The following KLC1 variants were observed in gnomAD, a reference collection of about 807,000 sequenced individuals.
KLC1 encodes kinesin 2 60/70kDa.
KLC1 carries 30 observed loss-of-function variants against 84.2 expected under a neutral mutation model. The observed-to-expected ratio is 0.36, with a 90% CI of 0.27 to 0.48. The LOEUF (loss-of-function observed/expected upper bound fraction) is 0.48, where lower values mean the gene tolerates loss of function less well. Among genes scored for constraint, KLC1 ranks in the 20% least tolerant of loss-of-function variants. KLC1 has a pLI of 0.99. For missense variants in KLC1, 499 were observed against 805.4 expected (o/e 0.62, Z 4.60); for synonymous variants, 289 against 293.3 (o/e 0.99, Z 0.15).
chr14:103,649,144 A>T (rs571936591), intron 1 of KLC1, among the ~76,000 whole-genome samples: 1 of 152,166 alleles, frequency 6.6e-6, no homozygotes, highest in East Asian at 1.9e-4. Flanking sequence ...CTTAAAAAAA[A>T]ACAAAGAAAC....
In KLC1 at chr14:103,672,997, C is replaced by A; in HGVS notation, c.988-17C>A. On this transcript the variant is annotated splice_polypyrimidine_tract_variant and intron_variant, in intron 7 of 16. Coordinates refer to ENST00000334553, the MANE Select transcript of KLC1 (RefSeq NM_001394837.1). ...AAGCAGAACAAGTGTCTCTAATATGCTGTTTTTTATTTTCAGGTTTTGGGG... is the reference window on the plus strand; with the variant it reads ...AAGCAGAACAAGTGTCTCTAATATGATGTTTTTTATTTTCAGGTTTTGGGG... The A allele has an allele frequency of 6.2e-7, 1 of 1,612,514 alleles. No individual in the cohort carries two copies. Among genetic ancestry groups the A allele is most frequent in the East Asian group, 2.2e-5 (1 of 44,862 alleles).
intron 12 of KLC1, among the ~76,000 whole-genome samples, chr14:103,678,297 A>C (rs1313351431): frequency 6.6e-6 from 1 of 151,998 alleles, no homozygotes; most frequent in Non-Finnish European, 1.5e-5. Flanking sequence ...AATAGCATGA[A>C]TATGACCCCA....
intron 1 of KLC1, among the ~76,000 whole-genome samples, chr14:103,632,054 A>G (rs904983578): frequency 3.3e-5 from 5 of 152,206 alleles, no homozygotes; most frequent in African/African-American, 1.2e-4. Flanking sequence ...TTGGGAACCA[A>G]CTGAATGGCA....
At chr14:103,681,673 G>C (rs1215847863) in intron 13 of KLC1, among the ~76,000 whole-genome samples, 1 of 152,066 alleles carries the variant, frequency 6.6e-6, no homozygotes, top group Admixed American at 6.6e-5. Flanking sequence ...TGGCCAGGCT[G>C]GTCTCTAACT....
At chr14:103,690,622 G>C (rs1329469259) in intron 14 of KLC1, among the ~76,000 whole-genome samples, 1 of 27,474 alleles carries the variant, frequency 3.6e-5, no homozygotes, top group Non-Finnish European at 1.2e-4. Context: ...GAACTGCTGC[G>C]CTCATGTTCG....
chr14:103,633,177 C>T (rs925050870), intron 1 of KLC1, among the ~76,000 whole-genome samples: 9 of 151,998 alleles, frequency 5.9e-5, no homozygotes, highest in African/African-American at 2.2e-4. Flanking sequence ...CCTGCCTCAG[C>T]CTCCCGAGTA....
At chr14:103,651,588 C>G (rs1432540185) in intron 1 of KLC1, among the ~76,000 whole-genome samples, 1 of 152,116 alleles carries the variant, frequency 6.6e-6, no homozygotes, top group Non-Finnish European at 1.5e-5. Context: ...CTGTCTGTTT[C>G]CCTCTGAAGA....
At chr14:103,696,784 G>A (rs1056981913) in intron 15 of KLC1, 14 of 985,316 alleles carry the variant, frequency 1.4e-5, no homozygotes, top group East Asian at 1.1e-4. Context: ...GGGTCAGGGC[G>A]CGTGGTCCCT....
intron 1 of KLC1, among the ~76,000 whole-genome samples, chr14:103,632,324 G>A (rs557342002): frequency 6.6e-6 from 1 of 152,074 alleles, no homozygotes; most frequent in Non-Finnish European, 1.5e-5. Flanking sequence ...TACTCATGAG[G>A]CTGAGGAAGG....
intron 1 of KLC1, among the ~76,000 whole-genome samples, chr14:103,647,718 A>G (rs1418180108): frequency 6.6e-6 from 1 of 151,562 alleles, no homozygotes; most frequent in Non-Finnish European, 1.5e-5. Flanking sequence ...TCTACTAAAA[A>G]TACAAAAATT....
intron 1 of KLC1, among the ~76,000 whole-genome samples, chr14:103,640,666 A>G (rs1229514914): frequency 6.6e-6 from 1 of 151,704 alleles, no homozygotes; most frequent in African/African-American, 2.4e-5. Flanking sequence ...GGCCCTGTGA[A>G]TTCTTAATAT....
In KLC1 at chr14:103,700,868, G is replaced by C. The variant is rs2083131603; in HGVS notation, c.*1+141G>C. The C allele has an allele frequency of 5.6e-6, 4 of 715,344 alleles. No individual in the cohort carries two copies. The African/African-American group carries it at 7.2e-5, about 13-fold the overall frequency. 44.3% of individuals were successfully genotyped at this position (715,344 alleles called of 1,614,324 possible). A position where few individuals can be genotyped will look rare whatever the true frequency, so the allele number is the denominator to read the frequency against. ...CAGGCTGGGCCTCCAAGAGGGGCTT[G>C]GCTCAGGGTCCCCATCCTCATGCAA... is the stretch of plus-strand genomic sequence containing the variant. On this transcript the variant is annotated intron_variant, in intron 16 of 16. Transcript: ENST00000334553.
intron 12 of KLC1, among the ~76,000 whole-genome samples, chr14:103,678,903 GA>G (rs903014509): frequency 1.3e-5 from 2 of 152,122 alleles, no homozygotes; most frequent in African/African-American, 4.8e-5. Flanking sequence ...AGTCATTATA[GA>G]AATATTAACT....
At chr14:103,631,311 A>C (rs907989807) in intron 1 of KLC1, among the ~76,000 whole-genome samples, 2 of 152,044 alleles carry the variant, frequency 1.3e-5, no homozygotes, top group African/African-American at 4.8e-5. Context: ...TGATCTCCTG[A>C]CCTCGTGATC....
chr14:103,700,916 G>A (rs1488400047), intron 16 of KLC1, among the ~76,000 whole-genome samples, 189 bp downstream of exon 16: 1 of 152,236 alleles, frequency 6.6e-6, no homozygotes, highest in Non-Finnish European at 1.5e-5. Flanking sequence ...CAGAGTGGGG[G>A]GGTGGGAATG....
Position 103,654,783 on chromosome 14 carries a change from G to A in KLC1, c.219G>A (p.Arg73=). Residue 73 remains arginine, a synonymous_variant, in exon 2 of 17, where the codon CGG becomes CGA. Transcript: ENST00000334553. ...NLVEEKSNMI[R]KSLEMLELGL... ...TGGAGGAGAAATCAAACATGATCCG[G>A]AAGTCACTGGAGATGTTGGAGCTCG... 6.2e-7 allele frequency: 1 copy of A among 1,614,230 alleles called. No homozygotes were observed. The highest frequency in any genetic ancestry group is 8.5e-7 in the Non-Finnish European group (1 of 1,180,042).
chr14:103,701,071 CA>C, intron 16 of KLC1, 129 bp from the exon 17 acceptor site: 1 of 1,183,308 alleles, frequency 8.5e-7, no homozygotes, highest in Non-Finnish European at 1.2e-6. Flanking sequence ...GGGAGGCTCA[CA>C]ACCAGCAACA....
chr14:103,668,954 A>G (rs2080137904), intron 5 of KLC1, among the ~76,000 whole-genome samples: 1 of 146,002 alleles, frequency 6.8e-6, no homozygotes, highest in Non-Finnish European at 1.5e-5. Flanking sequence ...ATTTTTTTGT[A>G]TTTTTAGTAG....
chr14:103,694,177 G>T lies in KLC1; in HGVS notation c.1848+1752G>T. 1.0e-6 allele frequency: 1 copy of T among 985,256 alleles called. No individual in the cohort carries two copies. Among genetic ancestry groups the T allele is most frequent in the Non-Finnish European group, 1.2e-6 (1 of 830,194 alleles). 61.0% of individuals were successfully genotyped at this position (985,256 alleles called of 1,614,324 possible). On this transcript the variant is annotated intron_variant, in intron 15 of 16. Coordinates refer to ENST00000334553, the MANE Select transcript of KLC1 (RefSeq NM_001394837.1). This position sits in a 1 kb window ranked among gnomAD's most constrained non-coding sequence, Gnocchi z 4.5. Reference sequence around the variant, plus strand: ...AGGTCCCCATGCCTGTGGCCCTGGGGCCCCATGCCCCCTTTTGAGCTGTGT... The same window carrying T: ...AGGTCCCCATGCCTGTGGCCCTGGGTCCCCATGCCCCCTTTTGAGCTGTGT...
Sources: allele counts gnomAD v4.1 joint callset (sites outside exome capture counted in the v4.1 genomes callset), GRCh38; gene constraint gnomAD v4.1.1; non-coding constraint Gnocchi (gnomAD v3.1); transcripts MANE v1.5; gene names NCBI Gene and HGNC (gene_info 2026-07-23, HGNC 2026-07-21).